Variants in SLCO4C1 observed in about 807,000 individuals in gnomAD.
SLCO4C1 encodes the protein organic anion transporter M1.
Under a neutral mutation model 72.1 loss-of-function variants are expected in SLCO4C1, and 58 were observed. The ratio of observed to expected loss-of-function variants is 0.80; its 90% CI spans 0.65 to 1.00. SLCO4C1 has a LOEUF of 1.00. Ranked by LOEUF, SLCO4C1 falls within the 50% of genes least tolerant of loss-of-function variation. The pLI is 0.00. For synonymous variants in SLCO4C1, 297 were observed against 312.5 expected (o/e 0.95, Z 0.52); for missense variants, 898 against 857.9 (o/e 1.05, Z -0.58).
intron 8 of SLCO4C1, among the ~76,000 whole-genome samples, chr5:102,254,561 C>T (rs1748798605): frequency 6.6e-6 from 1 of 152,092 alleles, no homozygotes; most frequent in Non-Finnish European, 1.5e-5. Flanking sequence ...TTTTAAGAAG[C>T]TGCCACAACT....
At chr5:102,271,800 A>G (rs1219799802) in intron 2 of SLCO4C1, among the ~76,000 whole-genome samples, 1 of 152,102 alleles carries the variant, frequency 6.6e-6, no homozygotes, top group East Asian at 1.9e-4. Flanking sequence ...TTATCTTAGC[A>G]TTTTTACTAC....
At chr5:102,270,925 C>A in intron 2 of SLCO4C1, 119 bp from the exon 3 acceptor site, 1 of 839,566 alleles carries the variant, frequency 1.2e-6, no homozygotes, top group Non-Finnish European at 1.7e-6. Context: ...AATCATTTTA[C>A]TTTGATTTAA....
At chr5:102,294,308 A>C (rs1749608237) in intron 1 of SLCO4C1, among the ~76,000 whole-genome samples, 1 of 152,154 alleles carries the variant, frequency 6.6e-6, no homozygotes, top group Non-Finnish European at 1.5e-5. Context: ...GGCCTCCCAA[A>C]GTGCTGGGAT....
chr5:102,249,866 T>TA, intron 8 of SLCO4C1, 78 bp from the exon 9 acceptor site: 2 of 1,388,020 alleles, frequency 1.4e-6, no homozygotes. Flanking sequence ...TGTTATATCT[T>TA]ACCATTAGGT....
At chr5:102,260,181 T>TGAGA (rs60433166) in intron 6 of SLCO4C1, 32 bp downstream of exon 6, 16 of 690,116 alleles carry the variant, frequency 2.3e-5, no homozygotes, top group East Asian at 7.2e-5. Context: ...TGTATGAGAC[T>TGAGA]GAGAGAGAGA....
intron 2 of SLCO4C1, among the ~76,000 whole-genome samples, chr5:102,287,837 A>T (rs1749484381): frequency 6.6e-6 from 1 of 152,096 alleles, no homozygotes; most frequent in African/African-American, 2.4e-5. Context: ...TACAGGCATG[A>T]GTCATTGCGC....
At chr5:102,280,084 A>G (rs1271070548) in intron 2 of SLCO4C1, among the ~76,000 whole-genome samples, 2 of 133,772 alleles carry the variant, frequency 1.5e-5, no homozygotes, top group Non-Finnish European at 3.2e-5. Context: ...AACCAGTGCA[A>G]TAAGGCAAAA....
At chr5:102,257,396 G>A in intron 7 of SLCO4C1, 86 bp from the exon 8 acceptor site, 1 of 1,049,374 alleles carries the variant, frequency 9.5e-7, no homozygotes, top group Non-Finnish European at 1.3e-6. Context: ...AAAAACAAGT[G>A]TCAATATGGT....
intron 2 of SLCO4C1, among the ~76,000 whole-genome samples, chr5:102,287,526 T>C (rs1259084773): frequency 4.0e-5 from 6 of 149,420 alleles, no homozygotes; most frequent in Admixed American, 2.7e-4. Context: ...GAAGAGGTTT[T>C]TTCACTTCTT....
intron 2 of SLCO4C1, among the ~76,000 whole-genome samples, chr5:102,285,036 T>G: frequency 6.6e-6 from 1 of 152,162 alleles, no homozygotes; most frequent in East Asian, 1.9e-4. Flanking sequence ...AGTTAGAAGC[T>G]TTACAAAGTA....
At chr5:102,288,486 C>T (rs1749495689) in intron 2 of SLCO4C1, among the ~76,000 whole-genome samples, 1 of 152,192 alleles carries the variant, frequency 6.6e-6, no homozygotes, top group African/African-American at 2.4e-5. Context: ...TTATCTCCCA[C>T]CTGGACTACA....
Position 102,244,240 on chromosome 5 carries a change from G to C in SLCO4C1, c.1811+3012C>G, listed in dbSNP as rs147055398. ...TCTGGAGCTGAAAAATGCAATTGGC[G>C]TATTGAATAATGCATCAGAGTCCTT... On this transcript the variant is annotated intron_variant, in intron 10 of 12. Coordinates refer to ENST00000310954, the MANE Select transcript of SLCO4C1 (RefSeq NM_180991.5). Among the ~76,000 whole-genome samples, 157 of 152,184 alleles carry C rather than the reference G, an allele frequency of 1.0e-3. 3 individuals are homozygous for C. In the East Asian group the frequency reaches 0.025, roughly 24 times the overall value.
At chr5:102,269,656 T>C (rs1749112330) in intron 3 of SLCO4C1, among the ~76,000 whole-genome samples, 1 of 152,192 alleles carries the variant, frequency 6.6e-6, no homozygotes, top group Admixed American at 6.6e-5. Context: ...TTAAGACCAT[T>C]AGCTCAAATT....
intron 4 of SLCO4C1, among the ~76,000 whole-genome samples, chr5:102,262,599 A>G (rs1288352839): frequency 3.9e-5 from 6 of 152,016 alleles, no homozygotes; most frequent in Non-Finnish European, 8.8e-5. Flanking sequence ...TAGCCTCCCA[A>G]GTAGCTGGGA....
At chr5:102,287,374 A>G (rs1022527673) in intron 2 of SLCO4C1, among the ~76,000 whole-genome samples, 3 of 152,104 alleles carry the variant, frequency 2.0e-5, no homozygotes, top group African/African-American at 2.4e-5. Context: ...ATCATTCAAT[A>G]TAGTTAATAA....
intron 2 of SLCO4C1, among the ~76,000 whole-genome samples, chr5:102,280,661 C>A (rs879271592): frequency 6.6e-6 from 1 of 151,996 alleles, no homozygotes; most frequent in Admixed American, 6.6e-5. Context: ...CTTACAATCA[C>A]GGCTGAAGGG....
chr5:102,294,223 T>A (rs1313737125), intron 1 of SLCO4C1, among the ~76,000 whole-genome samples: 1 of 152,162 alleles, frequency 6.6e-6, no homozygotes, highest in Non-Finnish European at 1.5e-5. Flanking sequence ...TTTTTTGTAT[T>A]TTTAGTAGAG....
intron 12 of SLCO4C1, 62 bp downstream of exon 12, chr5:102,239,189 T>G: frequency 7.0e-6 from 10 of 1,427,842 alleles, no homozygotes; most frequent in South Asian, 1.6e-5. Context: ...TAACCAACAA[T>G]GAGATTTTTT....
chr5:102,242,434 C>A (rs550175151), intron 10 of SLCO4C1, among the ~76,000 whole-genome samples: 90 of 152,230 alleles, frequency 5.9e-4, no homozygotes, highest in Middle Eastern at 3.4e-3. Flanking sequence ...TCCAAAAGAA[C>A]CCCTTCCTGC....
Sources: allele counts gnomAD v4.1 joint callset (sites outside exome capture counted in the v4.1 genomes callset), GRCh38; gene constraint gnomAD v4.1.1; transcripts MANE v1.5; gene names NCBI Gene and HGNC (gene_info 2026-07-23, HGNC 2026-07-21).